The following C8orf34 variants were observed in gnomAD, a reference collection of about 807,000 sequenced individuals.
C8orf34 encodes chromosome 8 open reading frame 34, also known as uncharacterized protein C8orf34.
Under a neutral mutation model 68.3 loss-of-function variants are expected in C8orf34, and 65 were observed. The observed-to-expected ratio is 0.95, with a 90% confidence interval of 0.78 to 1.17. C8orf34 has a LOEUF of 1.17. C8orf34 is among the 50% of genes most tolerant of loss of function. C8orf34 has a pLI of 0.00. For synonymous variants in C8orf34, 244 were observed against 241.2 expected, an observed-to-expected ratio of 1.01 and a Z score of -0.11; for missense variants, 664 against 655.4, an observed-to-expected ratio of 1.01 and a Z score of -0.14.
chr8:68,382,736 A>G (rs1808094724), intron 1 of C8orf34, among the ~76,000 whole-genome samples: 1 of 152,142 alleles, frequency 6.6e-6, no homozygotes, highest in Non-Finnish European at 1.5e-5. Context: ...AAAGTTGAAC[A>G]TTCTCAGGAC....
chr8:68,625,124 G>T (rs1043043025), intron 7 of C8orf34, among the ~76,000 whole-genome samples: 10 of 152,246 alleles, frequency 6.6e-5, no homozygotes, highest in Non-Finnish European at 1.2e-4. Context: ...TGAACTTTGA[G>T]CAGACATGAA....
chr8:68,589,645 A>AAAGAAG (rs1817319307), intron 7 of C8orf34, among the ~76,000 whole-genome samples: 1 of 147,004 alleles, frequency 6.8e-6, no homozygotes, highest in Non-Finnish European at 1.5e-5. Flanking sequence ...AGAGAAGAAG[A>AAAGAAG]GAGGAGGAAG....
At chr8:68,332,271 C>T (rs1487006729) in intron 1 of C8orf34, among the ~76,000 whole-genome samples, 1 of 152,102 alleles carries the variant, frequency 6.6e-6, no homozygotes, top group Admixed American at 6.5e-5. Context: ...AGTGGAGGCC[C>T]TTGCGGAGGG....
At chr8:68,723,868 G>A (rs1213383714) in intron 10 of C8orf34, among the ~76,000 whole-genome samples, 1 of 152,090 alleles carries the variant, frequency 6.6e-6, no homozygotes, top group Non-Finnish European at 1.5e-5. Context: ...GGTTCTTAGA[G>A]ATCTTTGCTT....
intron 8 of C8orf34, among the ~76,000 whole-genome samples, chr8:68,692,351 A>G (rs1351500560): frequency 6.6e-6 from 1 of 152,104 alleles, no homozygotes; most frequent in African/African-American, 2.4e-5. Flanking sequence ...TTTTTCTTCA[A>G]TAATAAGTTT....
intron 5 of C8orf34, among the ~76,000 whole-genome samples, chr8:68,491,926 A>C (rs1350958029): frequency 6.6e-6 from 1 of 152,130 alleles, no homozygotes; most frequent in African/African-American, 2.4e-5. Flanking sequence ...CATAGTAGAC[A>C]TGATTGGTGC....
chr8:68,763,562 A>C (rs1000471284), intron 10 of C8orf34, among the ~76,000 whole-genome samples: 3 of 152,160 alleles, frequency 2.0e-5, no homozygotes, highest in Non-Finnish European at 2.9e-5. Flanking sequence ...CTTCATATTC[A>C]TACTCAATTT....
intron 10 of C8orf34, among the ~76,000 whole-genome samples, chr8:68,744,703 G>A (rs1466657484): frequency 2.6e-5 from 4 of 152,068 alleles, no homozygotes; most frequent in African/African-American, 7.2e-5. Flanking sequence ...AAAAAGAAAC[G>A]AGCAAAGCCT....
intron 4 of C8orf34, among the ~76,000 whole-genome samples, chr8:68,471,925 A>AACACACACACACACAC (rs10596354): frequency 6.7e-4 from 99 of 147,458 alleles, no homozygotes; most frequent in African/African-American, 2.3e-3. Flanking sequence ...GACTTAAATG[A>AACACACACACACACAC]ACACACACAC....
At chr8:68,389,133 C>T (rs1160773577) in intron 1 of C8orf34, among the ~76,000 whole-genome samples, 1 of 152,132 alleles carries the variant, frequency 6.6e-6, no homozygotes, top group Admixed American at 6.5e-5. Flanking sequence ...CATTAAATCT[C>T]CTGTCTCTGC....
chr8:68,670,384 A>G (rs1196982425), intron 8 of C8orf34, among the ~76,000 whole-genome samples: 1 of 152,208 alleles, frequency 6.6e-6, no homozygotes, highest in Non-Finnish European at 1.5e-5. Flanking sequence ...ATTTCATCAA[A>G]TAACCAAGAA....
chr8:68,768,112 A>G (rs1823233030), intron 10 of C8orf34, among the ~76,000 whole-genome samples: 1 of 152,220 alleles, frequency 6.6e-6, no homozygotes, highest in South Asian at 2.1e-4. Context: ...TATTTGATAC[A>G]TAGCAACACA....
intron 10 of C8orf34, among the ~76,000 whole-genome samples, chr8:68,767,557 A>G (rs66773272): frequency 0.29 from 44,478 of 151,940 alleles, 6,961 homozygotes; most frequent in African/African-American, 0.39. Context: ...ATGCTCCTTC[A>G]GTTCTCTATA....
At chr8:68,625,756 C>T (rs1226011405) in intron 7 of C8orf34, 3 of 495,910 alleles carry the variant, frequency 6.0e-6, no homozygotes, top group Non-Finnish European at 1.1e-5. Flanking sequence ...ATATGGCCAG[C>T]AAGGGTCTTC....
chr8:68,495,942 C>A lies in C8orf34; in HGVS notation c.765+7891C>A, dbSNP rs115121674. On this transcript the variant is annotated intron_variant, in intron 5 of 13. Transcript: ENST00000518698. ...AAATAATTACTGGGTAAATAACTAG[C>A]CAGAAATTACTAAAAGTTTATTTTT... Among the ~76,000 whole-genome samples the A allele has an allele frequency of 3.0e-3, 456 of 152,272 alleles. 4 individuals carry two copies. The highest frequency in any genetic ancestry group is 0.01 in the African/African-American group (427 of 41,560).
At chr8:68,332,098 T>C (rs1385533512) in intron 1 of C8orf34, among the ~76,000 whole-genome samples, 3 of 152,132 alleles carry the variant, frequency 2.0e-5, no homozygotes, top group South Asian at 2.1e-4. Flanking sequence ...TTGTTTTTTT[T>C]TCTCTCTCTC....
intron 1 of C8orf34, among the ~76,000 whole-genome samples, chr8:68,340,956 C>G (rs568736464): frequency 6.6e-6 from 1 of 152,182 alleles, no homozygotes; most frequent in Non-Finnish European, 1.5e-5. Context: ...AACTTATGCA[C>G]TATGACCAAG....
chr8:68,568,273 T>TC (rs898028211), intron 7 of C8orf34, among the ~76,000 whole-genome samples: 2 of 151,932 alleles, frequency 1.3e-5, no homozygotes, highest in African/African-American at 4.8e-5. Flanking sequence ...TCAGGAACTT[T>TC]TTCTTTATAT....
chr8:68,446,487 A>T, intron 3 of C8orf34, 27 bp downstream of exon 3: 1 of 1,594,814 alleles, frequency 6.3e-7, no homozygotes, highest in South Asian at 1.2e-5. Flanking sequence ...TTCAAATGCT[A>T]TTCAAAGCAT....
Sources: gnomAD v4.1 joint callset for allele counts (sites outside exome capture counted in the v4.1 genomes callset) on GRCh38, gnomAD v4.1.1 for gene constraint, MANE v1.5 for transcripts, NCBI Gene and HGNC (gene_info 2026-07-23, HGNC 2026-07-21) for gene names.